ADARB2: variants seen among roughly 807,000 people sequenced by gnomAD.
ADARB2 encodes inactive double-stranded RNA-specific editase B2.
In ADARB2, 25 loss-of-function variants were observed where a neutral mutation model predicts 62.2. That is an observed-to-expected ratio of 0.40 (90% CI 0.29 to 0.56). The LOEUF (loss-of-function observed/expected upper bound fraction) is 0.56. Among genes scored for constraint, ADARB2 ranks in the 20% least tolerant of loss-of-function variants. ADARB2 has a pLI of 0.43. For synonymous variants in ADARB2, 572 were observed against 500.8 expected (o/e 1.14, Z -1.90); for missense variants, 1,071 against 1,077.4 (o/e 0.99, Z 0.08).
At chr10:1,680,878 G>A (rs938555227) in intron 1 of ADARB2, among the ~76,000 whole-genome samples, 5 of 152,152 alleles carry the variant, frequency 3.3e-5, no homozygotes, top group South Asian at 2.1e-4. Context: ...TATAGTCTAC[G>A]AAGGCTGCAG....
intron 3 of ADARB2, among the ~76,000 whole-genome samples, chr10:1,308,760 G>T (rs1397506130): frequency 6.6e-6 from 1 of 152,154 alleles, no homozygotes; most frequent in Non-Finnish European, 1.5e-5. Flanking sequence ...TTATTTTTGT[G>T]GGTGATTAGC....
intron 1 of ADARB2, among the ~76,000 whole-genome samples, chr10:1,553,236 A>C (rs1477356602): frequency 2.0e-5 from 3 of 152,246 alleles, no homozygotes; most frequent in Non-Finnish European, 4.4e-5. Flanking sequence ...TTTCTGTCAT[A>C]AATTGACATC....
At chr10:1,462,025 T>C (rs1564296388) in intron 1 of ADARB2, among the ~76,000 whole-genome samples, 1 of 152,184 alleles carries the variant, frequency 6.6e-6, no homozygotes, top group Non-Finnish European at 1.5e-5. Context: ...AGTTGTTAAT[T>C]ATTAAAAGTT....
intron 2 of ADARB2, among the ~76,000 whole-genome samples, chr10:1,377,497 G>T (rs559819695): frequency 1.3e-5 from 2 of 148,528 alleles, no homozygotes. Flanking sequence ...GTGTGTGTGC[G>T]CTCCTGGGGT....
intron 1 of ADARB2, among the ~76,000 whole-genome samples, chr10:1,635,894 G>A (rs1187264952): frequency 6.6e-6 from 1 of 152,118 alleles, no homozygotes; most frequent in Non-Finnish European, 1.5e-5. Context: ...CTCTTATCTA[G>A]CAACAGGGCT....
chr10:1,576,586 C>T (rs1238487622), intron 1 of ADARB2, among the ~76,000 whole-genome samples: 2 of 152,162 alleles, frequency 1.3e-5, no homozygotes, highest in Non-Finnish European at 2.9e-5. Flanking sequence ...TCTGTGTCTC[C>T]ATCCAGCGAT....
intron 6 of ADARB2, among the ~76,000 whole-genome samples, chr10:1,228,818 A>C (rs1196018090): frequency 1.3e-5 from 2 of 152,240 alleles, no homozygotes; most frequent in Admixed American, 1.3e-4. Flanking sequence ...TGGCCTCTGC[A>C]GACAGGCAGG....
intron 2 of ADARB2, among the ~76,000 whole-genome samples, chr10:1,371,519 C>T (rs141993342): frequency 6.6e-6 from 1 of 152,064 alleles, no homozygotes; most frequent in East Asian, 1.9e-4. Context: ...AGACAACCTA[C>T]AAAATGGGAT....
chr10:1,585,587 C>T (rs1479530268), intron 1 of ADARB2, among the ~76,000 whole-genome samples: 2 of 152,198 alleles, frequency 1.3e-5, no homozygotes, highest in African/African-American at 2.4e-5. Context: ...CTGCTCTACC[C>T]TCCTCTCACA....
At chr10:1,259,285 G>A (rs1197500121) in intron 4 of ADARB2, among the ~76,000 whole-genome samples, 1 of 152,094 alleles carries the variant, frequency 6.6e-6, no homozygotes, top group Admixed American at 6.5e-5. Flanking sequence ...CAGAAGGCAA[G>A]AAATAACTAA....
chr10:1,485,170 G>T (rs1179064983), intron 1 of ADARB2, among the ~76,000 whole-genome samples: 1 of 152,072 alleles, frequency 6.6e-6, no homozygotes, highest in Non-Finnish European at 1.5e-5. Flanking sequence ...AGGTAGCTAT[G>T]CATGTAGATA....
chr10:1,293,334 GCA>G (rs1332570529), intron 3 of ADARB2, among the ~76,000 whole-genome samples: 10 of 137,900 alleles, frequency 7.3e-5, no homozygotes, highest in Non-Finnish European at 1.6e-4. Context: ...GGGGAAGAGG[GCA>G]GAGAGGGAGA....
intron 1 of ADARB2, among the ~76,000 whole-genome samples, chr10:1,543,998 CAAA>C (rs779186191): frequency 8.1e-4 from 66 of 81,964 alleles, no homozygotes; most frequent in African/African-American, 1.9e-3. Flanking sequence ...GGCAGGTGAC[CAAA>C]AAAAAAAAAA....
intron 1 of ADARB2, among the ~76,000 whole-genome samples, chr10:1,514,099 C>CCTGTGAGATCGAGGCAG (rs1443442255): frequency 7.5e-5 from 11 of 146,318 alleles, no homozygotes; most frequent in African/African-American, 2.5e-4. Flanking sequence ...ATCGCTTGAG[C>CCTGTGAGATCGAGGCAG]CTGTGAGATC....
chr10:1,620,059 T>C (rs1215455825), intron 1 of ADARB2, among the ~76,000 whole-genome samples: 1 of 152,164 alleles, frequency 6.6e-6, no homozygotes, highest in Non-Finnish European at 1.5e-5. Flanking sequence ...GAGGGAAATT[T>C]ATAGCTTTAA....
chr10:1,373,843 A>AACCGCGTGGGCTCCGCGC (rs1832397455), intron 2 of ADARB2, among the ~76,000 whole-genome samples: 1 of 123,152 alleles, frequency 8.1e-6, no homozygotes, highest in Non-Finnish European at 1.8e-5. Context: ...TTCCTAGTGA[A>AACCGCGTGGGCTCCGCGC]ACCGCGTGGG....
intron 3 of ADARB2, among the ~76,000 whole-genome samples, chr10:1,274,043 G>A (rs1485988610): frequency 2.0e-5 from 3 of 152,204 alleles, no homozygotes; most frequent in Admixed American, 1.3e-4. Flanking sequence ...CTGGGAAGAG[G>A]GTCTAGAAAG....
At chr10:1,404,001 C>T (rs1832686029) in intron 1 of ADARB2, among the ~76,000 whole-genome samples, 1 of 152,204 alleles carries the variant, frequency 6.6e-6, no homozygotes, top group Non-Finnish European at 1.5e-5. Context: ...GGGTCACCAG[C>T]CACCCCCCAT....
intron 7 of ADARB2, among the ~76,000 whole-genome samples, chr10:1,204,334 C>A (rs1211069688): frequency 6.6e-6 from 1 of 152,210 alleles, no homozygotes. Flanking sequence ...AATGGAACGC[C>A]TGATATATGG....
Sources: allele counts gnomAD v4.1 joint callset (sites outside exome capture counted in the v4.1 genomes callset), GRCh38; gene constraint gnomAD v4.1.1; transcripts MANE v1.5; gene names NCBI Gene and HGNC (gene_info 2026-07-23, HGNC 2026-07-21).